Variants in WNT3A observed in about 807,000 individuals in gnomAD.
WNT3A encodes protein Wnt-3a.
In WNT3A, 17 loss-of-function variants were observed where a neutral mutation model predicts 37.0. The ratio of observed to expected loss-of-function variants is 0.46; its 90% confidence interval spans 0.31 to 0.69. The LOEUF (loss-of-function observed/expected upper bound fraction) is 0.69, where lower values mean the gene tolerates loss of function less well. WNT3A is among the 30% of genes least tolerant of loss of function. WNT3A has a pLI of 0.05. For missense variants in WNT3A, 411 were observed against 510.2 expected, an observed-to-expected ratio of 0.81 and a Z score of 1.87; for synonymous variants, 187 against 211.0, an observed-to-expected ratio of 0.89 and a Z score of 0.99.
chr1:228,046,721 T>C (rs1009577331), intron 2 of WNT3A, among the ~76,000 whole-genome samples: 1 of 150,758 alleles, frequency 6.6e-6, no homozygotes, highest in Non-Finnish European at 1.5e-5. Context: ...TGTGTATATG[T>C]GTTCATGTAT....
rs1225330219 is a variant in WNT3A, at chr1:228,059,787, CTT to C, written c.*323_*324del. The C allele has an allele frequency of 1.8e-6, 2 of 1,141,932 alleles. No individual in the cohort carries two copies. The highest frequency in any genetic ancestry group is 1.1e-6 in the Non-Finnish European group (1 of 929,466). The allele number at this position is 1,141,932 out of a possible 1,614,324, so 70.7% of individuals were successfully genotyped here. A position where few individuals can be genotyped will look rare whatever the true frequency, so the allele number is the denominator to read the frequency against. ...GGGCTACAGATTGGGCGGGGCTTCT[CTT>C]GGGTGGGACAGGGCTTCTCCTGCGG... On this transcript the variant is annotated 3_prime_UTR_variant, in exon 4 of 4. Coordinates refer to ENST00000284523, the MANE Select transcript of WNT3A (RefSeq NM_033131.4).
At chr1:228,040,873 G>A (rs1183360877) in intron 2 of WNT3A, among the ~76,000 whole-genome samples, 7 of 124,240 alleles carry the variant, frequency 5.6e-5, no homozygotes, top group South Asian at 5.6e-4. Context: ...GCGACAGAAC[G>A]AGACTCTATC....
In WNT3A at chr1:228,059,214, G is replaced by A. The variant is rs942761890; in HGVS notation, c.808G>A (p.Asp270Asn). The stretch of plus-strand genomic sequence containing the variant: ...CTACTTCAAGGTGCCCACGGAGCGC[G>A]ACCTGGTCTACTACGAGGCCTCGCC... ...YTYFKVPTER[D>N]LVYYEASPNF... Residue 270 changes from aspartate (D) to asparagine (N), a missense_variant, in exon 4 of 4, where the codon GAC (aspartate) becomes AAC (asparagine). Physicochemically the swap from Asp to Asn is conservative, Grantham distance 23. Transcript: ENST00000284523. 1 of 1,611,656 alleles carries A rather than the reference G, an allele frequency of 6.2e-7. No individual in the cohort carries two copies. Among genetic ancestry groups the A allele is most frequent in the Non-Finnish European group, 8.5e-7 (1 of 1,179,652 alleles).
In WNT3A at chr1:228,059,179, C is replaced by G; in HGVS notation, c.773C>G (p.Pro258Arg). Reference sequence around the variant, plus strand: ...CGCGGCTGGGTGGAGACCCTGCGGCCGCGCTACACCTACTTCAAGGTGCCC... The same window carrying G: ...CGCGGCTGGGTGGAGACCCTGCGGCGGCGCTACACCTACTTCAAGGTGCCC... Reference protein sequence around the residue: ...ESRGWVETLRPRYTYFKVPTE... With the variant: ...ESRGWVETLRRRYTYFKVPTE... The change falls in exon 4 of 4, where the codon CCG becomes CGG. Residue 258 changes from proline to arginine, a missense_variant. Coordinates refer to ENST00000284523, the MANE Select transcript of WNT3A (RefSeq NM_033131.4). The G allele has an allele frequency of 6.2e-7, 1 of 1,613,046 alleles. No homozygotes were observed. Among genetic ancestry groups the G allele is most frequent in the Non-Finnish European group, 8.5e-7 (1 of 1,179,898 alleles).
In WNT3A at chr1:228,057,459, T is replaced by C. The variant is rs576707426; in HGVS notation, c.580-1527T>C. Among the ~76,000 whole-genome samples, 172 of 152,332 alleles carry C rather than the reference T, an allele frequency of 1.1e-3. 1 individual carries two copies. The highest frequency in any genetic ancestry group is 7.5e-3 in the South Asian group (36 of 4,830). On this transcript the variant is annotated intron_variant, in intron 3 of 3. Transcript: ENST00000284523. ...TTATCTAAACAGGTCTTGGAAACTG[T>C]TGGACTCTTCCAAGTAAGCACCTAT... is the stretch of plus-strand genomic sequence containing the variant.
intron 3 of WNT3A, among the ~76,000 whole-genome samples, chr1:228,054,732 A>AC (rs1487730210): frequency 1.3e-5 from 2 of 151,812 alleles, no homozygotes; most frequent in Non-Finnish European, 2.9e-5. Flanking sequence ...AAAAAAAAAA[A>AC]ACACAAGTAC....
At chr1:228,051,664 G>A (rs1453310859) in intron 3 of WNT3A, among the ~76,000 whole-genome samples, 2 of 151,416 alleles carry the variant, frequency 1.3e-5, no homozygotes, top group Non-Finnish European at 2.9e-5. Flanking sequence ...ACTTTTATAA[G>A]GGCATTGTTT....
At position 228,059,362 on chromosome 1, in the gene WNT3A, G is replaced by T; in HGVS notation, c.956G>T (p.Arg319Leu). The stretch of plus-strand genomic sequence containing the variant: ...TGCTGCGGCCGCGGCCACAACGCGC[G>T]AGCGGAGCGGCGCCGGGAGAAGTGC... ...LLCCGRGHNA[R>L]AERRREKCRC... The change falls in exon 4 of 4, where the codon CGA becomes CTA. Residue 319 changes from arginine to leucine, a missense_variant. Coordinates refer to ENST00000284523, the MANE Select transcript of WNT3A (RefSeq NM_033131.4). 2 of 1,564,134 alleles carry T rather than the reference G, an allele frequency of 1.3e-6. No homozygotes were observed. The highest frequency in any genetic ancestry group is 1.2e-5 in the South Asian group (1 of 86,720).
At chr1:228,044,189 G>A (rs1330021705) in intron 2 of WNT3A, among the ~76,000 whole-genome samples, 1 of 152,112 alleles carries the variant, frequency 6.6e-6, no homozygotes, top group Non-Finnish European at 1.5e-5. Context: ...GTCTTGCTAT[G>A]TTGCCCAGGT....
chr1:228,035,407 G>A (rs1165517738), intron 2 of WNT3A, among the ~76,000 whole-genome samples: 3 of 152,314 alleles, frequency 2.0e-5, no homozygotes, highest in East Asian at 3.9e-4. Flanking sequence ...GGGCTGACGT[G>A]GGGGTGAGCA....
In WNT3A at chr1:228,059,342, C is replaced by A; in HGVS notation, c.936C>A (p.Cys312Ter). The A allele has an allele frequency of 6.4e-7, 1 of 1,566,166 alleles. No individual in the cohort carries two copies. Among genetic ancestry groups the A allele is most frequent in the East Asian group, 2.4e-5 (1 of 42,288 alleles). ...HGIDGCDLLC[C>*]GRGHNARAER... ...TCGACGGCTGCGACCTGCTGTGCTG[C>A]GGCCGCGGCCACAACGCGCGAGCGG... Residue 312 changes from cysteine to a stop codon, truncating the protein, a stop_gained, in exon 4 of 4, where the codon TGC becomes TGA. Transcript: ENST00000284523. LOFTEE classifies it high-confidence loss of function.
chr1:228,032,932 G>A (rs1219624420), intron 2 of WNT3A, among the ~76,000 whole-genome samples: 1 of 152,238 alleles, frequency 6.6e-6, no homozygotes, highest in Non-Finnish European at 1.5e-5. Context: ...ATCTAAGGAT[G>A]TTGAGCATCT....
chr1:228,052,676 G>C (rs1055719836), intron 3 of WNT3A, among the ~76,000 whole-genome samples: 1 of 152,188 alleles, frequency 6.6e-6, no homozygotes, highest in Non-Finnish European at 1.5e-5. Flanking sequence ...CGAGTGAACA[G>C]GGGATATTCA....
intron 3 of WNT3A, among the ~76,000 whole-genome samples, chr1:228,055,202 A>ATG (rs1201526470): frequency 1.1e-5 from 1 of 89,576 alleles, no homozygotes; most frequent in African/African-American, 3.4e-5. Context: ...ATATATATAT[A>ATG]TATATATATA....
Position 228,059,340 on chromosome 1 carries a change from T to TGCGGCC in WNT3A, c.941_946dup (p.Arg314_Gly315dup). On this transcript the variant is annotated inframe_insertion, in exon 4 of 4. Transcript: ENST00000284523. Reference sequence around the variant, plus strand: ...CATCGACGGCTGCGACCTGCTGTGCTGCGGCCGCGGCCACAACGCGCGAGC... The same window carrying TGCGGCC: ...CATCGACGGCTGCGACCTGCTGTGCTGCGGCCGCGGCCGCGGCCACAACGCGCGAGC... 8.3e-6 allele frequency: 13 copies of TGCGGCC among 1,567,534 alleles called. No individual in the cohort carries two copies. The highest frequency in any genetic ancestry group is 1.1e-5 in the Non-Finnish European group (13 of 1,161,288).
At position 228,037,639 on chromosome 1, in the gene WNT3A, A is replaced by C. The variant is rs917426519; in HGVS notation, c.314-13017A>C. On this transcript the variant is annotated intron_variant, in intron 2 of 3. Coordinates refer to ENST00000284523, the MANE Select transcript of WNT3A (RefSeq NM_033131.4). The surrounding 1 kb of genome is among the most constrained non-coding windows in gnomAD (Gnocchi z 4.1). ...CAGGTTGCGACCCCTGACCCCCCCC[A>C]TCGGAAAGTGTTGCCGTTTAAGATG... Among the ~76,000 whole-genome samples the C allele has an allele frequency of 6.6e-6, 1 of 152,100 alleles. No homozygotes were observed. Among genetic ancestry groups the C allele is most frequent in the African/African-American group, 2.4e-5 (1 of 41,422 alleles).
intron 2 of WNT3A, among the ~76,000 whole-genome samples, chr1:228,041,507 C>G (rs1403823453): frequency 6.6e-6 from 1 of 151,776 alleles, no homozygotes; most frequent in Non-Finnish European, 1.5e-5. Context: ...CATCATCCAT[C>G]TATCCATCAA....
chr1:228,045,140 G>A (rs1485079834), intron 2 of WNT3A, among the ~76,000 whole-genome samples: 1 of 152,250 alleles, frequency 6.6e-6, no homozygotes, highest in Non-Finnish European at 1.5e-5. Flanking sequence ...GTTTGCCTGA[G>A]TTTTGATAAG....
intron 2 of WNT3A, among the ~76,000 whole-genome samples, chr1:228,046,507 A>G (rs1332102912): frequency 7.0e-6 from 1 of 142,940 alleles, no homozygotes; most frequent in Non-Finnish European, 1.5e-5. Context: ...ATGTATGTGT[A>G]TGGTATTCAT....
Sources: allele counts gnomAD v4.1 joint callset (sites outside exome capture counted in the v4.1 genomes callset), GRCh38; gene constraint gnomAD v4.1.1; non-coding constraint Gnocchi (gnomAD v3.1); transcripts MANE v1.5; gene names NCBI Gene and HGNC (gene_info 2026-07-23, HGNC 2026-07-21).